Variants in FAM177A1 observed in about 807,000 individuals in gnomAD.
The protein encoded by FAM177A1 is protein FAM177A1.
A neutral mutation model predicts 26.1 loss-of-function variants in FAM177A1; 22 were observed. The ratio of observed to expected loss-of-function variants is 0.84; its 90% confidence interval spans 0.60 to 1.20. The LOEUF (loss-of-function observed/expected upper bound fraction) is 1.20. FAM177A1 is among the 50% of genes most tolerant of loss of function. FAM177A1 has a pLI of 0.00. For synonymous variants in FAM177A1, 95 were observed against 99.3 expected (o/e 0.96, Z 0.26); for missense variants, 296 against 291.1 (o/e 1.02, Z -0.12).
intron 2 of FAM177A1, among the ~76,000 whole-genome samples, chr14:35,073,981 C>G (rs2045359228): frequency 6.6e-6 from 1 of 152,190 alleles, no homozygotes; most frequent in African/African-American, 2.4e-5. Flanking sequence ...TTTTGTTTGG[C>G]AGAAGCTGCT....
At chr14:35,051,482 G>A (rs1484690992) in intron 1 of FAM177A1, among the ~76,000 whole-genome samples, 7 of 151,506 alleles carry the variant, frequency 4.6e-5, no homozygotes, top group African/African-American at 7.3e-5. Context: ...GTGCGATCTC[G>A]GCTCACTGCA....
At chr14:35,072,908 G>A (rs777819929) in intron 2 of FAM177A1, among the ~76,000 whole-genome samples, 6 of 152,026 alleles carry the variant, frequency 3.9e-5, no homozygotes, top group Middle Eastern at 3.4e-3. Context: ...TGGCTCTGTC[G>A]TAAATCCTGT....
chr14:35,076,736 C>G (rs994183615), intron 2 of FAM177A1, among the ~76,000 whole-genome samples: 6 of 152,122 alleles, frequency 3.9e-5, no homozygotes, highest in Non-Finnish European at 7.4e-5. Flanking sequence ...CCTGCTATAG[C>G]ATAAGTATGT....
chr14:35,079,146 A>G (rs2045441840), intron 4 of FAM177A1, 122 bp downstream of exon 4: 1 of 637,448 alleles, frequency 1.6e-6, no homozygotes, highest in Admixed American at 3.9e-5. Flanking sequence ...TAGGCATTTC[A>G]TTCTAGAATC....
At position 35,062,744 on chromosome 14, in the gene FAM177A1, T is replaced by G. The variant is rs1304606736; in HGVS notation, c.339+9293T>G. 2.1e-4 allele frequency among the ~76,000 whole-genome samples: 31 copies of G among 149,496 alleles called. No homozygotes were observed. In the Admixed American group the frequency reaches 2.1e-3, roughly 10 times the overall value. On this transcript the variant is annotated intron_variant, in intron 2 of 4. Coordinates refer to ENST00000280987, the MANE Select transcript of FAM177A1 (RefSeq NM_173607.5). ...AGGAATTCAAGGCTGCAGTGAGCCA[T>G]GATCATGCCACTGTACTCCAGCCCG...
At chr14:35,055,957 G>A (rs1299053025) in intron 2 of FAM177A1, among the ~76,000 whole-genome samples, 1 of 152,030 alleles carries the variant, frequency 6.6e-6, no homozygotes, top group Non-Finnish European at 1.5e-5. Flanking sequence ...TTCCCTTGAT[G>A]GTCAGTGATG....
At chr14:35,072,314 A>G (rs2045334575) in intron 2 of FAM177A1, among the ~76,000 whole-genome samples, 2 of 152,232 alleles carry the variant, frequency 1.3e-5, no homozygotes, top group South Asian at 4.2e-4. Flanking sequence ...TAAGAAAATT[A>G]TAAGGAAGAG....
chr14:35,047,782 C>CA (rs902316921), intron 1 of FAM177A1, among the ~76,000 whole-genome samples: 9 of 58,992 alleles, frequency 1.5e-4, no homozygotes, highest in Admixed American at 3.3e-4. Context: ...ACAACAACAA[C>CA]AAAAAAAAAA....
At chr14:35,049,245 T>C (rs982677098) in intron 1 of FAM177A1, among the ~76,000 whole-genome samples, 2 of 152,072 alleles carry the variant, frequency 1.3e-5, no homozygotes, top group Non-Finnish European at 2.9e-5. Flanking sequence ...TTAACCAGAA[T>C]CTCAGCCTCA....
intron 2 of FAM177A1, among the ~76,000 whole-genome samples, chr14:35,061,232 G>C (rs908713236): frequency 2.0e-5 from 3 of 152,122 alleles, no homozygotes; most frequent in Admixed American, 6.6e-5. Flanking sequence ...TTTTCTAGGT[G>C]TGTTGCAAAT....
intron 1 of FAM177A1, among the ~76,000 whole-genome samples, chr14:35,049,766 C>T (rs776558095): frequency 1.3e-5 from 2 of 151,972 alleles, no homozygotes; most frequent in African/African-American, 2.4e-5. Context: ...GCCTGGATGA[C>T]AGAGCAAGAC....
At chr14:35,045,181 C>G (rs1033552903), upstream of FAM177A1, 1 of 152,300 alleles carries the variant, frequency 6.6e-6, no homozygotes, top group East Asian at 1.9e-4. Context: ...TGCCACCATA[C>G]AGAGTCAGAT....
intron 2 of FAM177A1, among the ~76,000 whole-genome samples, chr14:35,073,251 G>T (rs895780767): frequency 6.6e-6 from 1 of 152,098 alleles, no homozygotes. Flanking sequence ...TTGTATTTTA[G>T]TAAAGACAGG....
At chr14:35,054,172 G>A (rs905200053) in intron 2 of FAM177A1, among the ~76,000 whole-genome samples, 4 of 152,146 alleles carry the variant, frequency 2.6e-5, no homozygotes, top group South Asian at 2.1e-4. Context: ...CCGAGATCGC[G>A]CCACTGCACT....
At chr14:35,053,579 T>C in intron 2 of FAM177A1, 128 bp downstream of exon 2, 2 of 798,676 alleles carry the variant, frequency 2.5e-6, no homozygotes, top group South Asian at 3.2e-5. Flanking sequence ...AAATTATGTA[T>C]GGTGATTTTG....
intron 2 of FAM177A1, among the ~76,000 whole-genome samples, chr14:35,070,531 T>A (rs1188732634): frequency 6.6e-6 from 1 of 152,066 alleles, no homozygotes; most frequent in Non-Finnish European, 1.5e-5. Flanking sequence ...GGTTTCACCA[T>A]GTTGGTCAGG....
In FAM177A1 at chr14:35,077,058, G is replaced by GGT. The variant is rs559437734; in HGVS notation, c.340-90_340-89dup. Reference sequence around the variant, plus strand: ...GTAGTACTGCCTATAGAATATTCTCGGTGCCTACCAAGTATTTGACTACTT... The same window carrying GGT: ...GTAGTACTGCCTATAGAATATTCTCGGTGTGCCTACCAAGTATTTGACTACTT... On this transcript the variant is annotated intron_variant, in intron 2 of 4. Transcript: ENST00000280987. The GGT allele has an allele frequency of 5.9e-4, 559 of 944,054 alleles. 2 individuals carry two copies. The African/African-American group carries it at 8.2e-3, about 14-fold the overall frequency. The allele number at this position is 944,054 out of a possible 1,614,324, so 58.5% of individuals were successfully genotyped here.
chr14:35,074,118 G>C (rs552904470), intron 2 of FAM177A1, among the ~76,000 whole-genome samples: 1 of 152,250 alleles, frequency 6.6e-6, no homozygotes, highest in East Asian at 1.9e-4. Flanking sequence ...AGAACTAATA[G>C]AATATATGTA....
At position 35,046,600 on chromosome 14, in the gene FAM177A1, C is replaced by T. The variant is rs1399104285; in HGVS notation, c.137C>T (p.Ala46Val). ...EAVAASGAAAAAAFGESAGQM... is the reference protein window; with the variant it reads ...EAVAASGAAAVAAFGESAGQM... ...GTCGCAGCCTCGGGAGCTGCGGCCGCCGCGGCATTCGGGGAATCTGCAGGG... is the reference window on the plus strand; with the variant it reads ...GTCGCAGCCTCGGGAGCTGCGGCCGTCGCGGCATTCGGGGAATCTGCAGGG... The change falls in exon 1 of 5, where the codon GCC becomes GTC. Residue 46 changes from alanine (A) to valine (V), a missense_variant. Ala to Val is a moderately conservative substitution (Grantham distance 64). Coordinates refer to ENST00000280987, the MANE Select transcript of FAM177A1 (RefSeq NM_173607.5). 1.2e-5 allele frequency: 18 copies of T among 1,552,496 alleles called. No individual in the cohort carries two copies. Among genetic ancestry groups the T allele is most frequent in the Non-Finnish European group, 1.5e-5 (17 of 1,149,598 alleles).
Sources: allele counts gnomAD v4.1 joint callset (sites outside exome capture counted in the v4.1 genomes callset), GRCh38; gene constraint gnomAD v4.1.1; transcripts MANE v1.5; gene names NCBI Gene and HGNC (gene_info 2026-07-23, HGNC 2026-07-21).